EEPD1: variants seen among roughly 807,000 people sequenced by gnomAD.
EEPD1 encodes endonuclease/exonuclease/phosphatase family domain-containing protein 1.
A neutral mutation model predicts 46.3 loss-of-function variants in EEPD1; 17 were observed. That is an observed-to-expected ratio of 0.37 (90% CI 0.25 to 0.55). The LOEUF is 0.55. Among genes scored for constraint, EEPD1 ranks in the 20% least tolerant of loss-of-function variants. The probability of loss-of-function intolerance (pLI) is 0.83; values close to 1 mark genes in which losing one functional copy is unlikely to be tolerated. For missense variants in EEPD1, 673 were observed against 745.6 expected, an observed-to-expected ratio of 0.90 and a Z score of 1.13; for synonymous variants, 313 against 315.6, an observed-to-expected ratio of 0.99 and a Z score of 0.09.
intron 6 of EEPD1, among the ~76,000 whole-genome samples, chr7:36,294,790 A>C (rs1010066920): frequency 6.6e-6 from 1 of 152,234 alleles, no homozygotes; most frequent in South Asian, 2.1e-4. Context: ...CTGTACAAAT[A>C]ATAGACCTAT....
chr7:36,166,061 T>C (rs975879985), intron 2 of EEPD1, among the ~76,000 whole-genome samples: 3 of 152,254 alleles, frequency 2.0e-5, no homozygotes, highest in Non-Finnish European at 4.4e-5. Context: ...TCCAAGTTCA[T>C]GACTCCACAC....
intron 6 of EEPD1, among the ~76,000 whole-genome samples, chr7:36,292,335 C>A (rs1787456993): frequency 6.6e-6 from 1 of 152,110 alleles, no homozygotes; most frequent in Admixed American, 6.5e-5. Context: ...GGCCGAGAAC[C>A]ACTGTTTTCT....
At chr7:36,196,548 ATTGC>A in intron 2 of EEPD1, among the ~76,000 whole-genome samples, 1 of 152,114 alleles carries the variant, frequency 6.6e-6, no homozygotes, top group East Asian at 1.9e-4. Context: ...AGTGCCTGCG[ATTGC>A]AGGCGCGCGC....
chr7:36,232,534 GGTTT>G (rs749901722), intron 2 of EEPD1, among the ~76,000 whole-genome samples: 84 of 151,336 alleles, frequency 5.6e-4, no homozygotes, highest in Non-Finnish European at 9.7e-4. Context: ...GAATGTCTCT[GGTTT>G]GTTTGTTTTT....
At chr7:36,245,950 C>G (rs890000682) in intron 3 of EEPD1, among the ~76,000 whole-genome samples, 7 of 152,170 alleles carry the variant, frequency 4.6e-5, no homozygotes, top group Non-Finnish European at 1.0e-4. Flanking sequence ...TAAACACAGG[C>G]CCATCTAAAG....
chr7:36,213,108 G>A (rs533054792), intron 2 of EEPD1, among the ~76,000 whole-genome samples: 26 of 152,208 alleles, frequency 1.7e-4, no homozygotes, highest in African/African-American at 4.3e-4. Flanking sequence ...AGCCCAGATC[G>A]TACCACTGCA....
intron 2 of EEPD1, among the ~76,000 whole-genome samples, chr7:36,209,485 G>A (rs1785885379): frequency 1.3e-5 from 2 of 152,126 alleles, no homozygotes; most frequent in African/African-American, 2.4e-5. Context: ...TGTCTGTCGT[G>A]GGTGTGCAGG....
At chr7:36,251,896 G>T (rs958201649) in intron 3 of EEPD1, among the ~76,000 whole-genome samples, 2 of 152,060 alleles carry the variant, frequency 1.3e-5, no homozygotes, top group African/African-American at 4.8e-5. Context: ...TTTTTATAAT[G>T]AAAACATTGA....
At chr7:36,186,319 G>A (rs193123672) in intron 2 of EEPD1, among the ~76,000 whole-genome samples, 1 of 152,194 alleles carries the variant, frequency 6.6e-6, no homozygotes, top group African/African-American at 2.4e-5. Flanking sequence ...TACAATAAAC[G>A]ATGGGAATGG....
At chr7:36,298,116 A>C (rs1015404940) in intron 7 of EEPD1, among the ~76,000 whole-genome samples, 2 of 152,202 alleles carry the variant, frequency 1.3e-5, no homozygotes, top group African/African-American at 4.8e-5. Context: ...GACCCAAATG[A>C]TGAAGAAAGT....
At chr7:36,167,508 G>A (rs1325873042) in intron 2 of EEPD1, among the ~76,000 whole-genome samples, 1 of 152,114 alleles carries the variant, frequency 6.6e-6, no homozygotes, top group Non-Finnish European at 1.5e-5. Context: ...CTCTCCTTCA[G>A]ATTTGCTAGT....
chr7:36,210,677 T>C (rs1257945058), intron 2 of EEPD1, among the ~76,000 whole-genome samples: 2 of 152,134 alleles, frequency 1.3e-5, no homozygotes, highest in Non-Finnish European at 1.5e-5. Context: ...CTGCCTTCCC[T>C]CTCCTCCTAG....
At position 36,172,141 on chromosome 7, in the gene EEPD1, G is replaced by A. The variant is rs993733145; in HGVS notation, c.878+16939G>A. Among the ~76,000 whole-genome samples, 4 of 152,158 alleles carry A rather than the reference G, an allele frequency of 2.6e-5. No homozygotes were observed. In the East Asian group the frequency reaches 7.7e-4, roughly 29 times the overall value. On this transcript the variant is annotated intron_variant, in intron 2 of 7. Coordinates refer to ENST00000242108, the MANE Select transcript of EEPD1 (RefSeq NM_030636.3). Reference sequence around the variant, plus strand: ...ATGATATACACTGGTTTTTGTCCACGATTCCTAGCTCATAACTGCCATATC... The same window carrying A: ...ATGATATACACTGGTTTTTGTCCACAATTCCTAGCTCATAACTGCCATATC...
intron 3 of EEPD1, among the ~76,000 whole-genome samples, chr7:36,272,213 G>A (rs1787119091): frequency 6.6e-6 from 1 of 152,072 alleles, no homozygotes; most frequent in South Asian, 2.1e-4. Context: ...AAAAGCCGAT[G>A]AAATTACTAT....
intron 7 of EEPD1, 63 bp downstream of exon 7, chr7:36,297,250 A>C: frequency 1.9e-6 from 3 of 1,566,856 alleles, no homozygotes; most frequent in Non-Finnish European, 2.6e-6. Context: ...ACATGTCTGA[A>C]CTGACAGAAG....
chr7:36,212,897 A>G (rs1785960841), intron 2 of EEPD1, among the ~76,000 whole-genome samples: 1 of 152,218 alleles, frequency 6.6e-6, no homozygotes, highest in Admixed American at 6.5e-5. Flanking sequence ...TCACGCCTAT[A>G]ATCCCAGCAC....
chr7:36,214,849 C>T (rs1275928373), intron 2 of EEPD1, among the ~76,000 whole-genome samples: 1 of 152,202 alleles, frequency 6.6e-6, no homozygotes, highest in Non-Finnish European at 1.5e-5. Context: ...TCAGAACCTC[C>T]TTTGGAATTC....
chr7:36,178,382 C>T (rs1236315159), intron 2 of EEPD1, among the ~76,000 whole-genome samples: 1 of 152,242 alleles, frequency 6.6e-6, no homozygotes, highest in Non-Finnish European at 1.5e-5. Flanking sequence ...TGGGGCTCCC[C>T]TATGCTTTAG....
chr7:36,298,041 GACTGTC>G (rs1300341196), intron 7 of EEPD1, among the ~76,000 whole-genome samples: 1 of 152,224 alleles, frequency 6.6e-6, no homozygotes, highest in Non-Finnish European at 1.5e-5. Flanking sequence ...ATCTAGGCTT[GACTGTC>G]ACCTGCTTCT....
Sources: gnomAD v4.1 joint callset for allele counts (sites outside exome capture counted in the v4.1 genomes callset) on GRCh38, gnomAD v4.1.1 for gene constraint, MANE v1.5 for transcripts, NCBI Gene and HGNC (gene_info 2026-07-23, HGNC 2026-07-21) for gene names.